TEX36: variants seen among roughly 807,000 people sequenced by gnomAD.
TEX36 encodes testis expressed 36.
A neutral mutation model predicts 13.6 loss-of-function variants in TEX36; 12 were observed. The ratio of observed to expected loss-of-function variants is 0.88; its 90% CI spans 0.56 to 1.43. The LOEUF is 1.43. TEX36 is among the 40% of genes most tolerant of loss of function. The pLI is 0.00. For synonymous variants in TEX36, 93 were observed against 83.0 expected (o/e 1.12, Z -0.65); for missense variants, 224 against 228.3 (o/e 0.98, Z 0.12).
intron 3 of TEX36, among the ~76,000 whole-genome samples, chr10:125,596,463 C>A (rs373469622): frequency 6.6e-6 from 1 of 152,126 alleles, no homozygotes; most frequent in Admixed American, 6.5e-5. Flanking sequence ...TAAGGAATAC[C>A]AGTGGCACGT....
chr10:125,618,631 A>G (rs145296541), downstream of TEX36, among the ~76,000 whole-genome samples: 144 of 151,998 alleles, frequency 9.5e-4, 2 homozygotes, highest in South Asian at 0.014. Flanking sequence ...CCACTTCCTA[A>G]TGGAGGTGCC....
intron 3 of TEX36, among the ~76,000 whole-genome samples, chr10:125,604,445 G>A (rs979556805): frequency 6.6e-6 from 1 of 152,156 alleles, no homozygotes; most frequent in African/African-American, 2.4e-5. Context: ...GGAGGCTGAA[G>A]TGGGAGGATC....
chr10:125,600,887 T>C (rs763196890), intron 3 of TEX36, among the ~76,000 whole-genome samples: 5 of 152,186 alleles, frequency 3.3e-5, no homozygotes, highest in Admixed American at 6.5e-5. Flanking sequence ...CCGCGGCCCA[T>C]TTCTATCTGG....
chr10:125,603,459 C>G (rs563114672), intron 3 of TEX36, among the ~76,000 whole-genome samples: 8 of 152,238 alleles, frequency 5.3e-5, no homozygotes, highest in Admixed American at 5.2e-4. Flanking sequence ...TCCTTGCCCC[C>G]GCCACCCAGT....
chr10:125,584,091 C>T (rs1043304840), intron 3 of TEX36, among the ~76,000 whole-genome samples: 1 of 152,226 alleles, frequency 6.6e-6, no homozygotes, highest in Non-Finnish European at 1.5e-5. Flanking sequence ...AAGGTCCCAC[C>T]TGGCACTGTG....
At chr10:125,605,816 G>A (rs887777428) in intron 3 of TEX36, among the ~76,000 whole-genome samples, 1 of 152,130 alleles carries the variant, frequency 6.6e-6, no homozygotes, top group Non-Finnish European at 1.5e-5. Flanking sequence ...TGGCCAGGCT[G>A]GTCTCGAACT....
intron 1 of TEX36, 112 bp downstream of exon 1, chr10:125,682,827 A>G: frequency 8.3e-7 from 1 of 1,205,696 alleles, no homozygotes; most frequent in Middle Eastern, 1.9e-4. Context: ...AAGTGAAGTG[A>G]TTTGTCAAAG....
At chr10:125,672,079 CT>C (rs1453502296) in intron 1 of TEX36, among the ~76,000 whole-genome samples, 1 of 150,426 alleles carries the variant, frequency 6.6e-6, no homozygotes, top group African/African-American at 2.5e-5. Flanking sequence ...AAAAAACCAC[CT>C]CCTAGATTCA....
At chr10:125,661,763 A>C in intron 2 of TEX36, 83 bp downstream of exon 2, 1 of 1,507,488 alleles carries the variant, frequency 6.6e-7, no homozygotes. Flanking sequence ...ACAAAGAAGA[A>C]TTGTTTGGCC....
At chr10:125,648,002 G>A (rs901321974) in intron 3 of TEX36, among the ~76,000 whole-genome samples, 69 of 152,328 alleles carry the variant, frequency 4.5e-4, no homozygotes, top group African/African-American at 1.3e-3. Flanking sequence ...ACAAAGCATC[G>A]GGAAGCTCAA....
chr10:125,666,553 T>C (rs1847125001), intron 1 of TEX36, among the ~76,000 whole-genome samples: 1 of 152,216 alleles, frequency 6.6e-6, no homozygotes, highest in Non-Finnish European at 1.5e-5. Flanking sequence ...AAATCCCACT[T>C]GATCACGGTA....
chr10:125,576,981 TA>T (rs893800242), intron 3 of TEX36: 12 of 1,398,836 alleles, frequency 8.6e-6, no homozygotes, highest in Non-Finnish European at 1.2e-5. Context: ...GCCCAAGCTT[TA>T]AAAACACCCC....
intron 3 of TEX36, among the ~76,000 whole-genome samples, chr10:125,601,198 T>A (rs1846141126): frequency 6.6e-6 from 1 of 152,274 alleles, no homozygotes; most frequent in South Asian, 2.1e-4. Context: ...ATTTATGGTA[T>A]GTTTACAATG....
chr10:125,637,669 G>T (rs1194779000), intron 3 of TEX36, among the ~76,000 whole-genome samples: 1 of 152,080 alleles, frequency 6.6e-6, no homozygotes, highest in African/African-American at 2.4e-5. Flanking sequence ...CTTCAAAAAT[G>T]CTGAGGCTGG....
downstream of TEX36, chr10:125,655,657 G>T (rs1846926429): frequency 8.4e-7 from 1 of 1,190,842 alleles, no homozygotes. Context: ...AAATGTGACC[G>T]TATATTAAGG....
intron 3 of TEX36, among the ~76,000 whole-genome samples, chr10:125,602,902 A>C (rs1846166866): frequency 6.6e-6 from 1 of 152,250 alleles, no homozygotes; most frequent in Non-Finnish European, 1.5e-5. Flanking sequence ...CTTCGAGGAC[A>C]GCCTGATGAT....
intron 3 of TEX36, among the ~76,000 whole-genome samples, chr10:125,625,039 T>A (rs902209982): frequency 9.2e-5 from 14 of 152,078 alleles, no homozygotes; most frequent in African/African-American, 3.1e-4. Context: ...GAGATGGCAA[T>A]CTCTCCAGAT....
chr10:125,666,824 A>G, intron 1 of TEX36: 1 of 288,854 alleles, frequency 3.5e-6, no homozygotes, highest in East Asian at 8.0e-5. Context: ...GCTCTTCAAG[A>G]GAGTAGGGGC....
intron 3 of TEX36, among the ~76,000 whole-genome samples, chr10:125,588,831 G>T (rs531128596): frequency 5.9e-5 from 9 of 152,292 alleles, no homozygotes; most frequent in Admixed American, 2.0e-4. Flanking sequence ...GGCCAGGATG[G>T]TCTCAAACTC....
Sources: gnomAD v4.1 joint callset for allele counts (sites outside exome capture counted in the v4.1 genomes callset) on GRCh38, gnomAD v4.1.1 for gene constraint, MANE v1.5 for transcripts, NCBI Gene and HGNC (gene_info 2026-07-23, HGNC 2026-07-21) for gene names.